The following LHFPL1 variants were observed in gnomAD, a reference collection of about 807,000 sequenced individuals.
LHFPL1 encodes LHFPL tetraspan subfamily member 1 protein.
Under a neutral mutation model 12.1 loss-of-function variants are expected in LHFPL1, and 4 were observed. That is an observed-to-expected ratio of 0.33 (90% CI 0.16 to 0.76). The LOEUF is 0.76. LHFPL1 is among the 30% of genes least tolerant of loss of function. The pLI is 0.61. For missense variants in LHFPL1, 141 were observed against 174.1 expected, an observed-to-expected ratio of 0.81 and a Z score of 1.07; for synonymous variants, 52 against 61.9, an observed-to-expected ratio of 0.84 and a Z score of 0.75.
At chrX:112,666,885 A>G (rs1931351871) in intron 2 of LHFPL1, among the ~76,000 whole-genome samples, 1 of 111,526 alleles carries the variant, frequency 9.0e-6, no homozygotes, top group South Asian at 3.8e-4. Flanking sequence ...GAAAAGAAAA[A>G]AAATTCAAGA....
chrX:112,644,689 G>A (rs891258212), intron 3 of LHFPL1, among the ~76,000 whole-genome samples: 1 of 111,520 alleles, frequency 9.0e-6, no homozygotes, highest in Non-Finnish European at 1.9e-5. Context: ...GCCAAAGTGA[G>A]GTGCCCAGGC....
chrX:112,650,596 C>G (rs1930826083), intron 3 of LHFPL1, among the ~76,000 whole-genome samples: 1 of 110,299 alleles, frequency 9.1e-6, no homozygotes, highest in Admixed American at 9.7e-5. Flanking sequence ...CTGTGACCCC[C>G]ACATTCCTGA....
intron 1 of LHFPL1, among the ~76,000 whole-genome samples, chrX:112,679,360 T>C (rs1309904630): frequency 3.6e-5 from 4 of 112,331 alleles, no homozygotes; most frequent in East Asian, 5.6e-4. Context: ...CCTCAATATT[T>C]GCATTTCAGT....
chrX:112,665,937 C>G (rs1283557444), intron 2 of LHFPL1, among the ~76,000 whole-genome samples: 1 of 111,846 alleles, frequency 8.9e-6, no homozygotes, highest in Non-Finnish European at 1.9e-5. Context: ...ATAATCCTCT[C>G]CCAACTACAC....
chrX:112,674,971 C>T (rs761907466), intron 1 of LHFPL1, among the ~76,000 whole-genome samples: 1 of 111,539 alleles, frequency 9.0e-6, no homozygotes, highest in Admixed American at 9.5e-5. Context: ...ATTATTGCAG[C>T]GACCTGGATG....
intron 3 of LHFPL1, among the ~76,000 whole-genome samples, chrX:112,649,591 A>T (rs192185859): frequency 8.9e-6 from 1 of 111,873 alleles, no homozygotes; most frequent in Non-Finnish European, 1.9e-5. Flanking sequence ...ATATTCCCCT[A>T]TGAAAAATAC....
chrX:112,647,042 C>T (rs978273460), intron 3 of LHFPL1, among the ~76,000 whole-genome samples: 13 of 111,684 alleles, frequency 1.2e-4, no homozygotes, highest in African/African-American at 4.2e-4. Flanking sequence ...TTACTGTCAG[C>T]CATGGTTGAG....
intron 3 of LHFPL1, among the ~76,000 whole-genome samples, chrX:112,653,449 G>T (rs1930910484): frequency 8.9e-6 from 1 of 111,942 alleles, no homozygotes; most frequent in Non-Finnish European, 1.9e-5. Flanking sequence ...TATAGTAAAT[G>T]CTCAAAAACA....
intron 2 of LHFPL1, among the ~76,000 whole-genome samples, chrX:112,663,122 A>G (rs1382470374): frequency 9.0e-6 from 1 of 111,278 alleles, no homozygotes; most frequent in Non-Finnish European, 1.9e-5. Context: ...CATACTGAGG[A>G]GCCCAGGTCA....
intron 3 of LHFPL1, among the ~76,000 whole-genome samples, chrX:112,632,570 A>G (rs1248566933): frequency 2.7e-5 from 3 of 112,137 alleles, no homozygotes; most frequent in Non-Finnish European, 1.9e-5. Context: ...AGAGATAGGC[A>G]GCAACTTTCA....
chrX:112,669,887 T>C (rs766512556), intron 2 of LHFPL1, among the ~76,000 whole-genome samples: 1 of 111,774 alleles, frequency 8.9e-6, no homozygotes, highest in East Asian at 2.8e-4. Context: ...TCTTAGCTCA[T>C]CACTGCCATC....
At chrX:112,666,270 C>T (rs1347503997) in intron 2 of LHFPL1, among the ~76,000 whole-genome samples, 1 of 111,486 alleles carries the variant, frequency 9.0e-6, no homozygotes, top group East Asian at 2.8e-4. Flanking sequence ...TATATCTCAG[C>T]TTTCCCTTCC....
intron 1 of LHFPL1, among the ~76,000 whole-genome samples, chrX:112,678,615 T>C (rs1931718418): frequency 9.0e-6 from 1 of 111,445 alleles, no homozygotes; most frequent in Non-Finnish European, 1.9e-5. Context: ...TGATTGCTTT[T>C]CCAATCACTT....
intron 3 of LHFPL1, among the ~76,000 whole-genome samples, chrX:112,633,231 G>A (rs1395683501): frequency 8.9e-6 from 1 of 112,038 alleles, no homozygotes; most frequent in Non-Finnish European, 1.9e-5. Context: ...CAGTATGTGT[G>A]ATTTAGCCTA....
At chrX:112,635,979 G>A (rs1385582563) in intron 3 of LHFPL1, among the ~76,000 whole-genome samples, 2 of 111,447 alleles carry the variant, frequency 1.8e-5, no homozygotes, top group South Asian at 3.8e-4. Context: ...GGAACGATAC[G>A]CTAGAGCAAG....
At position 112,655,666 on chromosome X, in the gene LHFPL1, T is replaced by C. The variant is rs150025453; in HGVS notation, c.481+4961A>G. On this transcript the variant is annotated intron_variant, in intron 3 of 3. Coordinates refer to ENST00000371968, the MANE Select transcript of LHFPL1 (RefSeq NM_178175.4). ...CTCTGGTAGGGACCATGTCTTTTCT[T>C]TTTTGGCTCTGTGTATCTCCCTTCC... is the stretch of plus-strand genomic sequence containing the variant. Among the ~76,000 whole-genome samples, 986 of 111,859 alleles carry C rather than the reference T, an allele frequency of 8.8e-3. 9 individuals carry two copies. The highest frequency in any genetic ancestry group is 0.031 in the African/African-American group (949 of 30,796).
chrX:112,650,727 C>T (rs1248300902), intron 3 of LHFPL1, among the ~76,000 whole-genome samples: 3 of 111,255 alleles, frequency 2.7e-5, no homozygotes, highest in Non-Finnish European at 5.7e-5. Context: ...AGCCACTAGT[C>T]GCATTGTGCC....
chrX:112,643,982 GTTGCC>G, intron 3 of LHFPL1, among the ~76,000 whole-genome samples: 1 of 112,153 alleles, frequency 8.9e-6, no homozygotes, highest in East Asian at 2.8e-4. Flanking sequence ...AGCTGCTTAA[GTTGCC>G]TTTTAACTGA....
intron 1 of LHFPL1, among the ~76,000 whole-genome samples, chrX:112,676,082 G>A (rs1931647081): frequency 8.9e-6 from 1 of 111,880 alleles, no homozygotes; most frequent in Admixed American, 9.4e-5. Flanking sequence ...ACTGCTTTAT[G>A]TTCACATGTG....
Sources: allele counts gnomAD v4.1 joint callset (sites outside exome capture counted in the v4.1 genomes callset), GRCh38; gene constraint gnomAD v4.1.1; transcripts MANE v1.5; gene names NCBI Gene and HGNC (gene_info 2026-07-23, HGNC 2026-07-21).